Variants in ZBTB8OS observed in about 807,000 individuals in gnomAD.
The protein encoded by ZBTB8OS is tRNA splicing ligase complex subunit 1.
In ZBTB8OS, 16 loss-of-function variants were observed where a neutral mutation model predicts 29.3. The ratio of observed to expected loss-of-function variants is 0.55; its 90% CI spans 0.37 to 0.83. The LOEUF (loss-of-function observed/expected upper bound fraction) is 0.83. Ranked by LOEUF, ZBTB8OS falls within the 40% of genes least tolerant of loss-of-function variation. ZBTB8OS has a pLI of 0.00. For missense variants in ZBTB8OS, 160 were observed against 196.9 expected, an observed-to-expected ratio of 0.81 and a Z score of 1.12; for synonymous variants, 70 against 64.6, an observed-to-expected ratio of 1.08 and a Z score of -0.40.
chr1:32,650,693 G>A, upstream of ZBTB8OS: 3 of 1,285,352 alleles, frequency 2.3e-6, no homozygotes, highest in Non-Finnish European at 2.1e-6. Context: ...CCTGCCGCTT[G>A]GATCGCATAT....
At chr1:32,643,706 A>G (rs536281660) in intron 1 of ZBTB8OS, among the ~76,000 whole-genome samples, 1 of 152,074 alleles carries the variant, frequency 6.6e-6, no homozygotes, top group Non-Finnish European at 1.5e-5. Context: ...TATGTTGGCC[A>G]GGCTGGTCTT....
At chr1:32,629,749 C>CTTTTTTTTTTT (rs869185319) in intron 5 of ZBTB8OS, among the ~76,000 whole-genome samples, 3 of 114,136 alleles carry the variant, frequency 2.6e-5, no homozygotes, top group Non-Finnish European at 5.6e-5. Flanking sequence ...ATGCTTGTTT[C>CTTTTTTTTTTT]TTTTTTTTTT....
At chr1:32,626,979 CATTT>C (rs1645173786) in intron 6 of ZBTB8OS, among the ~76,000 whole-genome samples, 1 of 152,170 alleles carries the variant, frequency 6.6e-6, no homozygotes, top group Non-Finnish European at 1.5e-5. Flanking sequence ...TGAACTCATT[CATTT>C]AAGTATTATC....
chr1:32,645,445 T>A (rs1646760951), intron 1 of ZBTB8OS, among the ~76,000 whole-genome samples: 1 of 152,154 alleles, frequency 6.6e-6, no homozygotes, highest in Non-Finnish European at 1.5e-5. Context: ...AAGCTTGCAG[T>A]GAGCCATGAC....
chr1:32,650,491 C>T lies in ZBTB8OS; in HGVS notation c.39G>A (p.Leu13=), dbSNP rs1557838968. 7 of 1,614,168 alleles carry T rather than the reference C, an allele frequency of 4.3e-6. No individual in the cohort carries two copies. Among genetic ancestry groups the T allele is most frequent in the Non-Finnish European group, 5.1e-6 (6 of 1,180,008 alleles). The change falls in exon 1 of 7, where the codon TTG becomes TTA. Residue 13 remains leucine (L), a synonymous_variant. Coordinates refer to ENST00000468695, the MANE Select transcript of ZBTB8OS (RefSeq NM_178547.5). The part of the protein sequence containing the change: ...QEEEDVRDYN[L]TEEQKAIKAK... ...CCTTGATCGCCTTCTGTTCTTCAGTCAAATTGTAATCTCTAACATCTTCCT... is the reference window on the plus strand; with the variant it reads ...CCTTGATCGCCTTCTGTTCTTCAGTTAAATTGTAATCTCTAACATCTTCCT...
Position 32,639,300 on chromosome 1 carries a change from C to CA in ZBTB8OS, c.98-4509dup, listed in dbSNP as rs564980543. On this transcript the variant is annotated intron_variant, in intron 1 of 6. Coordinates refer to ENST00000468695, the MANE Select transcript of ZBTB8OS (RefSeq NM_178547.5). Reference sequence around the variant, plus strand: ...GCAACAGAGCAAGACTCTACTCCCCCAAAAAAAATAAAAAAAAAAAAGATG... The same window carrying CA: ...GCAACAGAGCAAGACTCTACTCCCCCAAAAAAAAATAAAAAAAAAAAAGATG... Among the ~76,000 whole-genome samples the CA allele has an allele frequency of 1.5e-3, 221 of 148,746 alleles. 2 individuals are homozygous for CA. Among genetic ancestry groups the CA allele is most frequent in the African/African-American group, 5.2e-3 (211 of 40,492 alleles).
intron 6 of ZBTB8OS, 90 bp from the exon 7 acceptor site, chr1:32,622,038 T>A (rs1570413944): frequency 1.1e-6 from 1 of 906,930 alleles, no homozygotes; most frequent in Non-Finnish European, 1.6e-6. Context: ...CAGCAGAAAG[T>A]AAAAATTTTA....
rs1645769598 is a variant in ZBTB8OS, at chr1:32,634,063, T to C, written c.132A>G (p.Ala44=). The change falls in exon 3 of 7, where the codon GCA becomes GCG. Residue 44 remains alanine, a synonymous_variant. Transcript: ENST00000468695. ...ATGCTTCCTCCAGAGTATCTCCCCA[T>C]GCGTGTAACCTAAAGAAGTATATTC... is the stretch of plus-strand genomic sequence containing the variant. The part of the protein sequence containing the change: ...LDHTADVQLH[A]WGDTLEEAFE... The C allele has an allele frequency of 6.4e-7, 1 of 1,574,566 alleles. No homozygotes were observed. The highest frequency in any genetic ancestry group is 1.2e-5 in the South Asian group (1 of 83,072).
chr1:32,634,991 T>G (rs571862155), intron 1 of ZBTB8OS, among the ~76,000 whole-genome samples, 199 bp from the exon 2 acceptor site: 36 of 151,718 alleles, frequency 2.4e-4, no homozygotes, highest in East Asian at 1.8e-3. Context: ...TTTTTTTTTT[T>G]GCGGGGACAG....
intron 1 of ZBTB8OS, among the ~76,000 whole-genome samples, chr1:32,648,963 CTTTTTT>C (rs34143853): frequency 1.7e-5 from 1 of 58,748 alleles, no homozygotes; most frequent in Non-Finnish European, 3.2e-5. Flanking sequence ...AGCACCAGGC[CTTTTTT>C]TTTTTTTTTT....
intron 5 of ZBTB8OS, among the ~76,000 whole-genome samples, chr1:32,628,924 G>A (rs1217530314): frequency 6.6e-6 from 1 of 152,162 alleles, no homozygotes; most frequent in Non-Finnish European, 1.5e-5. Flanking sequence ...GCAACAGAGT[G>A]AGACTGTCTA....
At chr1:32,631,938 A>AATCTT (rs1645589665) in intron 4 of ZBTB8OS, 59 bp from the exon 5 acceptor site, 2 of 953,330 alleles carry the variant, frequency 2.1e-6, no homozygotes, top group Non-Finnish European at 3.0e-6. Flanking sequence ...ATCTACTAAA[A>AATCTT]ATCTTTTTGT....
At chr1:32,633,070 A>G (rs1645695360) in intron 4 of ZBTB8OS, among the ~76,000 whole-genome samples, 1 of 152,250 alleles carries the variant, frequency 6.6e-6, no homozygotes, top group African/African-American at 2.4e-5. Flanking sequence ...GGATGACAGC[A>G]GCAAGCAATC....
At chr1:32,641,096 TAGA>T (rs1460367806) in intron 1 of ZBTB8OS, among the ~76,000 whole-genome samples, 1 of 150,454 alleles carries the variant, frequency 6.6e-6, no homozygotes, top group Non-Finnish European at 1.5e-5. Context: ...CCCTTGAACC[TAGA>T]AGGTGGAGGT....
upstream of ZBTB8OS, chr1:32,650,574 CT>C: frequency 6.2e-7 from 1 of 1,613,970 alleles, no homozygotes; most frequent in South Asian, 1.1e-5. Flanking sequence ...ATCCACCGGA[CT>C]TCGGCCCGGA....
At chr1:32,650,731 G>A (rs1313458972), upstream of ZBTB8OS, 3 of 842,258 alleles carry the variant, frequency 3.6e-6, no homozygotes, top group African/African-American at 5.2e-5. Flanking sequence ...CATCTTCTGC[G>A]ATTCCTTCAT....
chr1:32,622,577 G>C (rs1403108290), intron 6 of ZBTB8OS, among the ~76,000 whole-genome samples: 2 of 151,838 alleles, frequency 1.3e-5, no homozygotes, highest in Non-Finnish European at 2.9e-5. Flanking sequence ...TTGAGAGTTG[G>C]GGGAGGGTGA....
At chr1:32,650,557 G>A (rs752035037), upstream of ZBTB8OS, 3 of 1,613,632 alleles carry the variant, frequency 1.9e-6, no homozygotes, top group East Asian at 2.2e-5. Context: ...CTCTACTTCC[G>A]CCCTTCATCC....
At chr1:32,641,956 T>A (rs1160725167) in intron 1 of ZBTB8OS, among the ~76,000 whole-genome samples, 1 of 151,894 alleles carries the variant, frequency 6.6e-6, no homozygotes, top group East Asian at 1.9e-4. Context: ...AAAACCTTTG[T>A]ACATACTTCC....
Sources: gnomAD v4.1 joint callset for allele counts (sites outside exome capture counted in the v4.1 genomes callset) on GRCh38, gnomAD v4.1.1 for gene constraint, MANE v1.5 for transcripts, NCBI Gene and HGNC (gene_info 2026-07-23, HGNC 2026-07-21) for gene names.